Variants in FOCAD observed in about 807,000 individuals in gnomAD.
The protein encoded by FOCAD is focadhesin.
In FOCAD, 198 loss-of-function variants were observed where a neutral mutation model predicts 225.6. The ratio of observed to expected loss-of-function variants is 0.88; its 90% CI spans 0.78 to 0.99. FOCAD has a LOEUF of 0.99. Among genes scored for constraint, FOCAD ranks in the 50% least tolerant of loss-of-function variants. FOCAD has a pLI of 0.00. For missense variants in FOCAD, 2,713 were observed against 2,123.6 expected (o/e 1.28, Z -5.46); for synonymous variants, 897 against 755.0 (o/e 1.19, Z -3.08).
At chr9:20,664,705 C>G (rs1821844317) in intron 2 of FOCAD, among the ~76,000 whole-genome samples, 1 of 150,470 alleles carries the variant, frequency 6.6e-6, no homozygotes, top group African/African-American at 2.4e-5. Context: ...TTTCAAACTC[C>G]TGGCCTCAAG....
intron 11 of FOCAD, among the ~76,000 whole-genome samples, chr9:20,806,483 T>C (rs1168278628): frequency 6.6e-6 from 1 of 152,164 alleles, no homozygotes; most frequent in Non-Finnish European, 1.5e-5. Flanking sequence ...TTCTAGGCAG[T>C]AGCCATAAGA....
rs1257211753 is a variant in FOCAD at position 20,907,207 on chromosome 9, G to A, written c.2683G>A (p.Ala895Thr). 1.9e-6 allele frequency: 3 copies of A among 1,613,170 alleles called. No individual in the cohort carries two copies. Among genetic ancestry groups the A allele is most frequent in the Non-Finnish European group, 1.7e-6 (2 of 1,179,492 alleles). Residue 895 changes from alanine (A) to threonine (T), a missense_variant, in exon 22 of 44, where the codon GCA becomes ACA. Coordinates refer to ENST00000338382, the MANE Select transcript of FOCAD (RefSeq NM_001375567.1). ...RAIFLPQAWL[A>T]YMNRAYHAIL... ...AATTTTTCTTCCACAGGCCTGGCTT[G>A]CATACATGAATCGAGCTTATCATGC...
At chr9:20,818,210 T>C (rs1406016976) in intron 11 of FOCAD, among the ~76,000 whole-genome samples, 1 of 152,186 alleles carries the variant, frequency 6.6e-6, no homozygotes. Flanking sequence ...CCTTTGCCTA[T>C]TTTAAAACCT....
In FOCAD at chr9:20,923,384, A is replaced by G. The variant is rs185204870; in HGVS notation, c.2853-276A>G. 6.8e-4 allele frequency among the ~76,000 whole-genome samples: 104 copies of G among 152,340 alleles called. 2 individuals are homozygous for G. The Middle Eastern group carries it at 0.01, about 15-fold the overall frequency. On this transcript the variant is annotated intron_variant, in intron 24 of 43. Transcript: ENST00000338382. ...ATGTAATGTTAATAGATGAAATAAA[A>G]ATTTAGGAAGAAACAACTTACTAAG...
At position 20,780,978 on chromosome 9, in the gene FOCAD, G is replaced by A. The variant is rs183394678; in HGVS notation, c.995-749G>A. On this transcript the variant is annotated intron_variant, in intron 9 of 43. Transcript: ENST00000338382. ...CAAGGCTTGTAGAATTTTTGCTGTAGTGGGGAAATCAGTTGAATATTTTGA... is the reference window on the plus strand; with the variant it reads ...CAAGGCTTGTAGAATTTTTGCTGTAATGGGGAAATCAGTTGAATATTTTGA... 8.3e-4 allele frequency among the ~76,000 whole-genome samples: 127 copies of A among 152,304 alleles called. 1 individual carries two copies. The highest frequency in any genetic ancestry group is 3.0e-3 in the African/African-American group (125 of 41,562).
At chr9:20,911,659 T>G (rs960296643) in intron 22 of FOCAD, among the ~76,000 whole-genome samples, 5 of 152,164 alleles carry the variant, frequency 3.3e-5, no homozygotes, top group Non-Finnish European at 7.4e-5. Flanking sequence ...CACAAGATAT[T>G]TGTTGGCCAC....
chr9:20,846,129 C>T (rs971879158), intron 15 of FOCAD, among the ~76,000 whole-genome samples: 1 of 152,060 alleles, frequency 6.6e-6, no homozygotes, highest in South Asian at 2.1e-4. Context: ...CTGTTTCAGT[C>T]ATTATGTTGG....
At chr9:20,965,319 C>G (rs1427492023) in intron 35 of FOCAD, among the ~76,000 whole-genome samples, 1 of 152,104 alleles carries the variant, frequency 6.6e-6, no homozygotes, top group Non-Finnish European at 1.5e-5. Flanking sequence ...TCAACTGACT[C>G]ACAAATACTT....
At chr9:20,859,560 C>A (rs1252810707) in intron 15 of FOCAD, among the ~76,000 whole-genome samples, 1 of 148,004 alleles carries the variant, frequency 6.8e-6, no homozygotes, top group African/African-American at 2.5e-5. Flanking sequence ...GAATTAATGT[C>A]TTTTATTAAT....
At chr9:20,817,646 A>G (rs1202653020) in intron 11 of FOCAD, among the ~76,000 whole-genome samples, 1 of 127,632 alleles carries the variant, frequency 7.8e-6, no homozygotes, top group Non-Finnish European at 1.7e-5. Context: ...ATATAACATG[A>G]GGCCTTTTGT....
chr9:20,789,509 C>A lies in FOCAD; in HGVS notation c.1356C>A (p.Ala452=). Residue 452 remains alanine, a synonymous_variant, in exon 11 of 44, where the codon GCC becomes GCA. Transcript: ENST00000338382. Reference sequence around the variant, plus strand: ...TTACTGCTGTGATCCCTGCGCCTGCCTTTCTTCTGCTGGCTCACCTCCTTG... The same window carrying A: ...TTACTGCTGTGATCCCTGCGCCTGCATTTCTTCTGCTGGCTCACCTCCTTG... The part of the protein sequence containing the change: ...LPITAVIPAP[A]FLLLAHLLVE... 6.2e-7 allele frequency: 1 copy of A among 1,613,958 alleles called. No homozygotes were observed. The highest frequency in any genetic ancestry group is 8.5e-7 in the Non-Finnish European group (1 of 1,179,994).
rs1209253221 is a variant in FOCAD, at chr9:20,929,706, C to T, written c.3317+110C>T. ...ATTGTATCTGAGCAATATGTGTTTG[C>T]TAAACTTTCTGAGATGGGCAAGTTG... is the stretch of plus-strand genomic sequence containing the variant. On this transcript the variant is annotated intron_variant, in intron 27 of 43. Coordinates refer to ENST00000338382, the MANE Select transcript of FOCAD (RefSeq NM_001375567.1). The T allele has an allele frequency of 4.8e-6, 4 of 841,130 alleles. No homozygotes were observed. The Admixed American group carries it at 7.2e-5, about 15-fold the overall frequency. The allele number at this position is 841,130 out of a possible 1,614,324, so 52.1% of individuals were successfully genotyped here.
intron 35 of FOCAD, among the ~76,000 whole-genome samples, chr9:20,963,703 A>G (rs530014067): frequency 1.6e-4 from 24 of 152,342 alleles, no homozygotes; most frequent in African/African-American, 5.8e-4. Context: ...GAAAACCCCA[A>G]AAAGCAACTT....
At chr9:20,801,596 A>G (rs2039389) in intron 11 of FOCAD, among the ~76,000 whole-genome samples, 53,146 of 151,964 alleles carry the variant, frequency 0.35, 9,667 homozygotes, top group East Asian at 0.52. Flanking sequence ...GCCATTTTTT[A>G]TTTTATACTT....
intron 20 of FOCAD, among the ~76,000 whole-genome samples, chr9:20,884,280 A>G (rs1163337015): frequency 1.3e-5 from 2 of 152,200 alleles, no homozygotes; most frequent in South Asian, 2.1e-4. Flanking sequence ...CTATGAGTCA[A>G]TAAGTAATAT....
In FOCAD at chr9:20,802,238, A is replaced by T. The variant is rs536771040; in HGVS notation, c.1455+12630A>T. On this transcript the variant is annotated intron_variant, in intron 11 of 43. Coordinates refer to ENST00000338382, the MANE Select transcript of FOCAD (RefSeq NM_001375567.1). ...TTTTGTGAGAATGGATTACTTCTACATTGAAAACAATTTGTGTGTTTTTCC... is the reference window on the plus strand; with the variant it reads ...TTTTGTGAGAATGGATTACTTCTACTTTGAAAACAATTTGTGTGTTTTTCC... 2.0e-5 allele frequency among the ~76,000 whole-genome samples: 3 copies of T among 152,262 alleles called. No homozygotes were observed. In the South Asian group the frequency reaches 6.2e-4, roughly 32 times the overall value.
chr9:20,829,188 G>T (rs940250694), intron 15 of FOCAD, among the ~76,000 whole-genome samples: 3 of 152,132 alleles, frequency 2.0e-5, no homozygotes, highest in Admixed American at 1.3e-4. Flanking sequence ...GGTATTTCTA[G>T]ATCTAGATCT....
chr9:20,896,258 G>A (rs989280253), intron 21 of FOCAD, among the ~76,000 whole-genome samples: 1 of 151,804 alleles, frequency 6.6e-6, no homozygotes, highest in Non-Finnish European at 1.5e-5. Flanking sequence ...GATTTAATTT[G>A]CGTATATTTT....
chr9:20,767,073 T>C (rs1007969292), intron 7 of FOCAD, among the ~76,000 whole-genome samples: 32 of 149,586 alleles, frequency 2.1e-4, no homozygotes, highest in African/African-American at 6.9e-4. Context: ...GAATATGTGG[T>C]GTTTGGTTTT....
Sources: allele counts gnomAD v4.1 joint callset (sites outside exome capture counted in the v4.1 genomes callset), GRCh38; gene constraint gnomAD v4.1.1; transcripts MANE v1.5; gene names NCBI Gene and HGNC (gene_info 2026-07-23, HGNC 2026-07-21).